The following MACROD2 variants were observed in gnomAD, a reference collection of about 807,000 sequenced individuals.
The protein encoded by MACROD2 is ADP-ribose glycohydrolase MACROD2.
Under a neutral mutation model 70.4 loss-of-function variants are expected in MACROD2, and 36 were observed. That is an observed-to-expected ratio of 0.51 (90% CI 0.39 to 0.68). The LOEUF (loss-of-function observed/expected upper bound fraction) is 0.68, where lower values mean the gene tolerates loss of function less well. Among genes scored for constraint, MACROD2 ranks in the 30% least tolerant of loss-of-function variants. The pLI is 0.00. For synonymous variants in MACROD2, 172 were observed against 178.8 expected (o/e 0.96, Z 0.30); for missense variants, 496 against 538.4 (o/e 0.92, Z 0.78).
chr20:14,596,369 C>T (rs957458428), intron 4 of MACROD2, among the ~76,000 whole-genome samples: 5 of 149,820 alleles, frequency 3.3e-5, no homozygotes, highest in Admixed American at 6.7e-5. Context: ...GGATTACAGG[C>T]GTGAGCCACC....
At chr20:14,563,231 G>T (rs1308755260) in intron 4 of MACROD2, among the ~76,000 whole-genome samples, 1 of 151,810 alleles carries the variant, frequency 6.6e-6, no homozygotes, top group Non-Finnish European at 1.5e-5. Context: ...TTAGTCCCTG[G>T]TAGGGGGCAA....
At chr20:14,884,146 C>A (rs1413853599) in intron 5 of MACROD2, 3 of 152,122 alleles carry the variant, frequency 2.0e-5, no homozygotes, top group Non-Finnish European at 2.9e-5. Flanking sequence ...ACTGCTTAAC[C>A]CTGTGTGGTT....
At position 14,956,703 on chromosome 20, in the gene MACROD2, T is replaced by G. The variant is rs1436235565; in HGVS notation, c.418+271744T>G. 7.2e-5 allele frequency among the ~76,000 whole-genome samples: 11 copies of G among 152,198 alleles called. No individual in the cohort carries two copies. In the East Asian group the frequency reaches 2.1e-3, roughly 29 times the overall value. ...GCTTTTCTACCTCTTGAATCTTAAC[T>G]AAGGTCATGAGTAAGTTGTTTTTAA... On this transcript the variant is annotated intron_variant, in intron 5 of 17. Transcript: ENST00000684519.
chr20:14,600,063 A>C (rs183466233), intron 4 of MACROD2, among the ~76,000 whole-genome samples: 23 of 152,226 alleles, frequency 1.5e-4, no homozygotes, highest in Non-Finnish European at 3.1e-4. Flanking sequence ...ACTGCTGGAT[A>C]GTGCTGCCAT....
chr20:14,519,108 G>C (rs2085136287), intron 4 of MACROD2, among the ~76,000 whole-genome samples: 1 of 152,092 alleles, frequency 6.6e-6, no homozygotes, highest in Non-Finnish European at 1.5e-5. Flanking sequence ...AAAGTACTAA[G>C]TTAAACAAAG....
intron 8 of MACROD2, among the ~76,000 whole-genome samples, chr20:15,790,996 T>C (rs2063619732): frequency 3.3e-5 from 5 of 151,978 alleles, no homozygotes; most frequent in Admixed American, 3.3e-4. Context: ...ATTTTAACTG[T>C]TGTGTACATG....
chr20:15,032,157 C>T (rs558797749), intron 5 of MACROD2, among the ~76,000 whole-genome samples: 1 of 152,262 alleles, frequency 6.6e-6, no homozygotes, highest in South Asian at 2.1e-4. Context: ...GGCCGGAGGG[C>T]GGGAGCAGGC....
chr20:15,835,360 C>A (rs6043569), intron 8 of MACROD2, among the ~76,000 whole-genome samples: 4 of 151,830 alleles, frequency 2.6e-5, no homozygotes, highest in Non-Finnish European at 4.4e-5. Context: ...ATTATGGAGT[C>A]AAAAAAAATG....
intron 4 of MACROD2, among the ~76,000 whole-genome samples, chr20:14,521,347 G>A (rs753064623): frequency 1.3e-5 from 2 of 152,132 alleles, no homozygotes; most frequent in Non-Finnish European, 2.9e-5. Flanking sequence ...CTTTTGGGGA[G>A]CCAGTAAATA....
At chr20:14,781,721 G>T (rs1038337909) in intron 5 of MACROD2, among the ~76,000 whole-genome samples, 1 of 151,670 alleles carries the variant, frequency 6.6e-6, no homozygotes, top group African/African-American at 2.4e-5. Flanking sequence ...GCATAGAAGT[G>T]TACAAATGAG....
intron 2 of MACROD2, among the ~76,000 whole-genome samples, chr20:14,062,247 T>C (rs1419686671): frequency 6.6e-6 from 1 of 152,192 alleles, no homozygotes; most frequent in Non-Finnish European, 1.5e-5. Context: ...AGTCTTCTTT[T>C]ACTTTCTTTA....
At position 14,286,635 on chromosome 20, in the gene MACROD2, A is replaced by G. The variant is rs182300227; in HGVS notation, c.271+200907A>G. Reference sequence around the variant, plus strand: ...AGATTTTGTTTTTCTGCCTCACTCCATTATATATAATGGCTTAGCTTTGAA... The same window carrying G: ...AGATTTTGTTTTTCTGCCTCACTCCGTTATATATAATGGCTTAGCTTTGAA... On this transcript the variant is annotated intron_variant, in intron 3 of 17. Transcript: ENST00000684519. 9.7e-4 allele frequency among the ~76,000 whole-genome samples: 148 copies of G among 152,186 alleles called. 1 individual carries two copies. In the Middle Eastern group the frequency reaches 0.01, roughly 10 times the overall value.
intron 4 of MACROD2, among the ~76,000 whole-genome samples, chr20:14,503,435 G>A (rs190213338): frequency 1.6e-4 from 25 of 152,274 alleles, no homozygotes; most frequent in Non-Finnish European, 2.9e-4. Flanking sequence ...GAAGGTTGAG[G>A]CTGCTAGAGA....
intron 5 of MACROD2, among the ~76,000 whole-genome samples, chr20:15,036,927 T>A (rs888915491): frequency 2.0e-5 from 3 of 151,592 alleles, no homozygotes; most frequent in Non-Finnish European, 4.4e-5. Context: ...ATATAAATAA[T>A]GTAATCAATA....
At chr20:15,812,563 AT>A (rs2063832287) in intron 8 of MACROD2, among the ~76,000 whole-genome samples, 4 of 145,198 alleles carry the variant, frequency 2.8e-5, no homozygotes, top group Admixed American at 2.7e-4. Context: ...GGTATATTGG[AT>A]TTAAAAAAAA....
chr20:15,802,675 C>T (rs2063736534), intron 8 of MACROD2, among the ~76,000 whole-genome samples: 1 of 151,948 alleles, frequency 6.6e-6, no homozygotes, highest in South Asian at 2.1e-4. Flanking sequence ...GGTCCGAGCA[C>T]AACTAACTGA....
intron 3 of MACROD2, among the ~76,000 whole-genome samples, chr20:14,281,962 A>G (rs566929152): frequency 3.3e-4 from 50 of 151,438 alleles, no homozygotes; most frequent in Middle Eastern, 3.5e-3. Context: ...GAAAAGAAAA[A>G]TATAATAAGC....
At position 14,074,690 on chromosome 20, in the gene MACROD2, G is replaced by A. The variant is rs1030747385; in HGVS notation, c.164-10931G>A. On this transcript the variant is annotated intron_variant, in intron 2 of 17. Transcript: ENST00000684519. ...AGGTCTCCCTGTTCTGTTTGAACAT[G>A]CTTCTCCCATGGGAACTTATTAGTT... 2.6e-5 allele frequency among the ~76,000 whole-genome samples: 4 copies of A among 152,108 alleles called. 1 individual carries two copies. In the South Asian group the frequency reaches 8.3e-4, roughly 32 times the overall value.
At chr20:14,867,512 C>T (rs2073440943) in intron 5 of MACROD2, among the ~76,000 whole-genome samples, 1 of 152,108 alleles carries the variant, frequency 6.6e-6, no homozygotes, top group Non-Finnish European at 1.5e-5. Context: ...AGGAAAGTTG[C>T]TATAAGCGAT....
Sources: gnomAD v4.1 joint callset for allele counts (sites outside exome capture counted in the v4.1 genomes callset) on GRCh38, gnomAD v4.1.1 for gene constraint, MANE v1.5 for transcripts, NCBI Gene and HGNC (gene_info 2026-07-23, HGNC 2026-07-21) for gene names.